The following ENTPD5 variants were observed in gnomAD, a reference collection of about 807,000 sequenced individuals.
The protein encoded by ENTPD5 is nucleoside diphosphate phosphatase ENTPD5.
A neutral mutation model predicts 60.2 loss-of-function variants in ENTPD5; 49 were observed. The ratio of observed to expected loss-of-function variants is 0.81; its 90% confidence interval spans 0.65 to 1.03. The LOEUF is 1.03. ENTPD5 is among the 50% of genes least tolerant of loss of function. ENTPD5 has a pLI of 0.00. For synonymous variants in ENTPD5, 187 were observed against 185.4 expected (o/e 1.01, Z -0.07); for missense variants, 480 against 507.6 (o/e 0.95, Z 0.52).
chr14:73,980,704 T>C (rs114727577), intron 6 of ENTPD5, among the ~76,000 whole-genome samples: 2,838 of 152,382 alleles, frequency 0.019, 88 homozygotes, highest in African/African-American at 0.065. Flanking sequence ...CCTGATTTTT[T>C]GTTATAATGA....
intron 3 of ENTPD5, chr14:74,003,523 A>T (rs555706977): frequency 2.2e-4 from 212 of 969,160 alleles, no homozygotes; most frequent in Non-Finnish European, 2.9e-4. Context: ...GAAACATGGA[A>T]TGCCAGATGC....
At chr14:73,960,702 C>T (rs2098029), downstream of ENTPD5, 80,366 of 604,170 alleles carry the variant, frequency 0.13, 6,251 homozygotes, top group Admixed American at 0.21. Context: ...TGACAATCTC[C>T]GTACAGTGAT....
downstream of ENTPD5, chr14:73,959,991 GAAATAAT>G (rs1381213055): frequency 9.7e-7 from 1 of 1,034,744 alleles, no homozygotes; most frequent in Non-Finnish European, 1.2e-6. Context: ...CAAAACAATA[GAAATAAT>G]AAATAATAAC....
chr14:73,976,957 T>C, intron 8 of ENTPD5, 67 bp downstream of exon 8: 1 of 1,336,660 alleles, frequency 7.5e-7, no homozygotes, highest in Non-Finnish European at 1.1e-6. Context: ...AAGAAAAGGC[T>C]TTTACTCCTC....
downstream of ENTPD5, chr14:73,957,982 C>T (rs1594800308): frequency 1.2e-5 from 8 of 671,694 alleles, no homozygotes; most frequent in Non-Finnish European, 2.7e-6. Flanking sequence ...TCTGTGGCTT[C>T]TGTCATTTAT....
intron 3 of ENTPD5, chr14:74,003,396 A>T (rs1281700418): frequency 3.9e-5 from 29 of 745,572 alleles, no homozygotes; most frequent in Non-Finnish European, 6.0e-5. Context: ...CCTCTGCATC[A>T]TGAGAGCTAA....
intron 3 of ENTPD5, among the ~76,000 whole-genome samples, chr14:74,004,190 C>CA (rs1341671494): frequency 6.6e-6 from 1 of 151,852 alleles, no homozygotes; most frequent in African/African-American, 2.4e-5. Flanking sequence ...TTTTTTGAGA[C>CA]AGAGTCTCCC....
chr14:73,959,348 T>G, downstream of ENTPD5: 5 of 1,614,196 alleles, frequency 3.1e-6, no homozygotes, highest in Non-Finnish European at 4.2e-6. Flanking sequence ...TTTTTGTCTT[T>G]TTATGCTTGA....
chr14:74,004,862 G>A (rs1687085342), intron 3 of ENTPD5, among the ~76,000 whole-genome samples: 1 of 152,188 alleles, frequency 6.6e-6, no homozygotes, highest in East Asian at 1.9e-4. Context: ...AACTGTAAAA[G>A]GGGACTACAC....
chr14:73,986,698 T>C, intron 5 of ENTPD5, 116 bp downstream of exon 5: 1 of 756,024 alleles, frequency 1.3e-6, no homozygotes, highest in Non-Finnish European at 2.3e-6. Context: ...GAGAGAAAGC[T>C]GATCTCACAC....
intron 2 of ENTPD5, among the ~76,000 whole-genome samples, chr14:74,014,391 A>AC (rs2140880774): frequency 7.4e-6 from 1 of 134,762 alleles, no homozygotes; most frequent in African/African-American, 2.9e-5. Flanking sequence ...CCCCCCCCCC[A>AC]CAAAAAAAAG....
chr14:73,958,615 G>C, downstream of ENTPD5: 1 of 1,288,846 alleles, frequency 7.8e-7, no homozygotes, highest in South Asian at 1.6e-5. Flanking sequence ...CTGCTCACAA[G>C]CTTCCCTTTT....
intron 3 of ENTPD5, among the ~76,000 whole-genome samples, chr14:74,001,297 T>TCGAGACCATCCTGGTTAACA (rs1157957076): frequency 3.3e-5 from 5 of 152,042 alleles, no homozygotes; most frequent in Admixed American, 3.3e-4. Flanking sequence ...GGTCAAGAGA[T>TCGAGACCATCCTGGTTAACA]CGAGACCATC....
chr14:74,008,420 G>A (rs1185648979), intron 3 of ENTPD5, among the ~76,000 whole-genome samples: 1 of 144,884 alleles, frequency 6.9e-6, no homozygotes, highest in Non-Finnish European at 1.5e-5. Context: ...ACGGAGTCTC[G>A]CTCTGTCGCC....
intron 15 of ENTPD5, among the ~76,000 whole-genome samples, chr14:73,968,324 C>T (rs754707382): frequency 2.6e-5 from 4 of 151,752 alleles, no homozygotes; most frequent in South Asian, 2.1e-4. Context: ...AGAAATGCTT[C>T]GAAGGAAAAA....
chr14:74,010,469 G>A (rs562765936), intron 3 of ENTPD5, among the ~76,000 whole-genome samples: 44 of 152,038 alleles, frequency 2.9e-4, no homozygotes, highest in African/African-American at 1.0e-3. Context: ...CAGGAGAATC[G>A]CTTGAACCCA....
At chr14:73,976,299 A>G in intron 9 of ENTPD5, 25 bp downstream of exon 9, 1 of 1,604,556 alleles carries the variant, frequency 6.2e-7, no homozygotes, top group Non-Finnish European at 8.5e-7. Context: ...TGCACTTCTA[A>G]CCAGATCTTC....
At chr14:74,009,862 G>C (rs983607146) in intron 3 of ENTPD5, among the ~76,000 whole-genome samples, 1 of 152,074 alleles carries the variant, frequency 6.6e-6, no homozygotes, top group Non-Finnish European at 1.5e-5. Context: ...CATGATCTCG[G>C]CTCATTGCAA....
At chr14:74,004,445 G>C (rs542177703) in intron 3 of ENTPD5, among the ~76,000 whole-genome samples, 38 of 152,322 alleles carry the variant, frequency 2.5e-4, no homozygotes, top group Non-Finnish European at 3.7e-4. Flanking sequence ...TTACAGGTGT[G>C]AGCCATTGCG....
Sources: gnomAD v4.1 joint callset for allele counts (sites outside exome capture counted in the v4.1 genomes callset) on GRCh38, gnomAD v4.1.1 for gene constraint, MANE v1.5 for transcripts, NCBI Gene and HGNC (gene_info 2026-07-23, HGNC 2026-07-21) for gene names.